Variants in UNC93A observed in about 807,000 individuals in gnomAD.
UNC93A encodes the protein unc-93 homolog A.
UNC93A carries 43 observed loss-of-function variants against 47.5 expected under a neutral mutation model. The observed-to-expected ratio is 0.91, with a 90% CI of 0.71 to 1.17. The LOEUF (loss-of-function observed/expected upper bound fraction) is 1.17, where lower values mean the gene tolerates loss of function less well. Ranked by LOEUF, UNC93A falls within the 50% of genes most tolerant of loss-of-function variation. The pLI, the probability that UNC93A is intolerant of heterozygous loss-of-function variation, is 0.00. For synonymous variants in UNC93A, 280 were observed against 258.0 expected, an observed-to-expected ratio of 1.09 and a Z score of -0.82; for missense variants, 605 against 577.6, an observed-to-expected ratio of 1.05 and a Z score of -0.49.
chr6:167,308,704 G>A (rs1456309549), intron 7 of UNC93A, among the ~76,000 whole-genome samples: 1 of 152,030 alleles, frequency 6.6e-6, no homozygotes, highest in Non-Finnish European at 1.5e-5. Flanking sequence ...GGGCCAGCAT[G>A]TGGGGGAGGG....
upstream of UNC93A, among the ~76,000 whole-genome samples, chr6:167,288,830 G>A (rs2989554): frequency 0.39 from 56,586 of 146,358 alleles, 8,954 homozygotes; most frequent in African/African-American, 0.51. Flanking sequence ...GTAGCAAAAC[G>A]GTGCCATCTA....
intron 7 of UNC93A, among the ~76,000 whole-genome samples, chr6:167,312,457 C>G (rs972951689): frequency 1.3e-5 from 2 of 151,740 alleles, no homozygotes; most frequent in Non-Finnish European, 2.9e-5. Context: ...TAAAAAACGC[C>G]TGTCCCTTCT....
intron 2 of UNC93A, 96 bp downstream of exon 2, chr6:167,294,794 G>C (rs1034422538): frequency 2.5e-5 from 34 of 1,351,754 alleles, no homozygotes; most frequent in African/African-American, 8.9e-5. Flanking sequence ...CCTGATTACT[G>C]TTCACTGCAG....
intron 1 of UNC93A, among the ~76,000 whole-genome samples, chr6:167,278,352 G>A (rs1241649045): frequency 6.6e-6 from 1 of 152,136 alleles, no homozygotes; most frequent in Non-Finnish European, 1.5e-5. Flanking sequence ...GGTGTCCCCA[G>A]GGCCCGTGAG....
chr6:167,290,594 C>T (rs539702007), upstream of UNC93A, among the ~76,000 whole-genome samples: 3 of 152,246 alleles, frequency 2.0e-5, no homozygotes, highest in South Asian at 6.2e-4. Flanking sequence ...TGTCTCTAGC[C>T]ACATGTGGTT....
intron 7 of UNC93A, among the ~76,000 whole-genome samples, chr6:167,309,457 C>T (rs576151751): frequency 2.6e-5 from 4 of 152,106 alleles, no homozygotes; most frequent in South Asian, 2.1e-4. Context: ...GGCAAGACTG[C>T]GTGTCTAAGA....
chr6:167,312,804 ACAATAAATG>A (rs1054422199), intron 7 of UNC93A, among the ~76,000 whole-genome samples: 1 of 152,258 alleles, frequency 6.6e-6, no homozygotes, highest in African/African-American at 2.4e-5. Flanking sequence ...GCAATTCAAA[ACAATAAATG>A]CATTGCTTTC....
chr6:167,282,867 C>A (rs1448273119), intron 1 of UNC93A, among the ~76,000 whole-genome samples: 1 of 152,126 alleles, frequency 6.6e-6, no homozygotes, highest in East Asian at 1.9e-4. Context: ...GAAGCAGGGG[C>A]TTCCGGGTCA....
At chr6:167,309,779 A>G (rs1778507484) in intron 7 of UNC93A, among the ~76,000 whole-genome samples, 1 of 152,122 alleles carries the variant, frequency 6.6e-6, no homozygotes, top group African/African-American at 2.4e-5. Flanking sequence ...TCACCTTTGA[A>G]CAAACCCACA....
Position 167,297,929 on chromosome 6 carries a change from C to A in UNC93A, c.500-16C>A, listed in dbSNP as rs774335999. On this transcript the variant is annotated splice_polypyrimidine_tract_variant and intron_variant, in intron 3 of 7. Coordinates refer to ENST00000230256, the MANE Select transcript of UNC93A (RefSeq NM_018974.4). ...TTGCCGTCATCTCATGTCTCCTGTC[C>A]ACTCTGACTTCATAGAGACCCTTCC... The A allele has an allele frequency of 6.2e-7, 1 of 1,612,714 alleles. No homozygotes were observed. Among genetic ancestry groups the A allele is most frequent in the South Asian group, 1.1e-5 (1 of 90,868 alleles).
intron 3 of UNC93A, 101 bp downstream of exon 3, chr6:167,296,362 G>A: frequency 7.7e-7 from 1 of 1,297,534 alleles, no homozygotes; most frequent in Non-Finnish European, 1.1e-6. Context: ...CCTTGATTCT[G>A]TAACTTGAGC....
chr6:167,278,107 C>G (rs1349724988), intron 1 of UNC93A, among the ~76,000 whole-genome samples: 1 of 152,218 alleles, frequency 6.6e-6, no homozygotes, highest in African/African-American at 2.4e-5. Context: ...AGAGCCCAGA[C>G]TTCCCGAGGG....
At chr6:167,303,841 G>C in intron 4 of UNC93A, 78 bp from the exon 5 acceptor site, 1 of 1,429,576 alleles carries the variant, frequency 7.0e-7, no homozygotes, top group Non-Finnish European at 9.8e-7. Context: ...AGGAGGATGA[G>C]TGACTGAAAC....
intron 5 of UNC93A, among the ~76,000 whole-genome samples, chr6:167,305,569 A>G (rs1367333473): frequency 6.6e-6 from 1 of 150,882 alleles, no homozygotes; most frequent in African/African-American, 2.4e-5. Flanking sequence ...TTTTTTTTTT[A>G]ACTCTCTTTA....
At chr6:167,306,072 A>G in intron 6 of UNC93A, 22 bp downstream of exon 6, 1 of 1,612,908 alleles carries the variant, frequency 6.2e-7, no homozygotes, top group African/African-American at 1.3e-5. Context: ...CGTGGGTCCC[A>G]TCCCAGCTGT....
intron 1 of UNC93A, among the ~76,000 whole-genome samples, chr6:167,281,976 G>C (rs929337788): frequency 1.3e-5 from 2 of 152,226 alleles, no homozygotes; most frequent in Non-Finnish European, 2.9e-5. Flanking sequence ...TCCTGGGAAA[G>C]TAGACTGAGA....
rs368985500 is a variant in UNC93A, at chr6:167,309,569, G to A, written c.1108+1659G>A. 3.9e-4 allele frequency among the ~76,000 whole-genome samples: 59 copies of A among 152,194 alleles called. No homozygotes were observed. The East Asian group carries it at 6.2e-3, about 16-fold the overall frequency. The stretch of plus-strand genomic sequence containing the variant: ...GACTTCACCATTCTGCCTTTATCTG[G>A]GAAACACTCGGGGCTTAGAAAATGG... On this transcript the variant is annotated intron_variant, in intron 7 of 7. Transcript: ENST00000230256.
chr6:167,275,180 TGC>T (rs1783518818), intron 1 of UNC93A, among the ~76,000 whole-genome samples: 1 of 152,186 alleles, frequency 6.6e-6, no homozygotes, highest in African/African-American at 2.4e-5. Context: ...CACACTGAGC[TGC>T]CTGGTTGCCT....
chr6:167,288,785 A>G (rs912919576), upstream of UNC93A, among the ~76,000 whole-genome samples: 6 of 152,228 alleles, frequency 3.9e-5, no homozygotes, highest in Non-Finnish European at 8.8e-5. Context: ...ATTCTACAGC[A>G]TGAAGAACGC....
Sources: allele counts gnomAD v4.1 joint callset (sites outside exome capture counted in the v4.1 genomes callset), GRCh38; gene constraint gnomAD v4.1.1; transcripts MANE v1.5; gene names NCBI Gene and HGNC (gene_info 2026-07-23, HGNC 2026-07-21).